Variants in ST18 observed in about 807,000 individuals in gnomAD.
The protein encoded by ST18 is suppression of tumorigenicity 18 protein.
A neutral mutation model predicts 110.0 loss-of-function variants in ST18; 50 were observed. The observed-to-expected ratio is 0.45, with a 90% CI of 0.36 to 0.58. The LOEUF is 0.58. Ranked by LOEUF, ST18 falls within the 20% of genes least tolerant of loss-of-function variation. The pLI, the probability that ST18 is intolerant of heterozygous loss-of-function variation, is 0.00. For synonymous variants in ST18, 461 were observed against 452.4 expected, an observed-to-expected ratio of 1.02 and a Z score of -0.24; for missense variants, 1,306 against 1,280.1, an observed-to-expected ratio of 1.02 and a Z score of -0.31.
chr8:52,225,457 T>C (rs1250127924), intron 3 of ST18, among the ~76,000 whole-genome samples: 1 of 152,236 alleles, frequency 6.6e-6, no homozygotes, highest in Non-Finnish European at 1.5e-5. Flanking sequence ...AATGGATTTA[T>C]AATTTGCTTT....
chr8:52,325,612 T>C (rs555838203), intron 2 of ST18, among the ~76,000 whole-genome samples: 1 of 152,346 alleles, frequency 6.6e-6, no homozygotes, highest in East Asian at 1.9e-4. Flanking sequence ...AAAAAAATGG[T>C]AAAACGAAAA....
intron 2 of ST18, among the ~76,000 whole-genome samples, chr8:52,284,839 C>G (rs1025461308): frequency 6.6e-6 from 1 of 151,864 alleles, no homozygotes; most frequent in Non-Finnish European, 1.5e-5. Flanking sequence ...TCAAATGTAG[C>G]TTTAATTATG....
Position 52,272,732 on chromosome 8 carries a change from G to A in ST18, c.-464-42655C>T, listed in dbSNP as rs142293742. Among the ~76,000 whole-genome samples, 58 of 152,290 alleles carry A rather than the reference G, an allele frequency of 3.8e-4. 2 individuals are homozygous for A. The East Asian group carries it at 0.011, about 29-fold the overall frequency. ...AATCCATCTTCTGGGTATATATCCA[G>A]AGGAATTAAAATCAGGATCTCAACA... is the stretch of plus-strand genomic sequence containing the variant. On this transcript the variant is annotated intron_variant, in intron 2 of 25. Transcript: ENST00000689386.
chr8:52,401,653 G>C (rs1220042321), intron 2 of ST18, among the ~76,000 whole-genome samples: 1 of 151,732 alleles, frequency 6.6e-6, no homozygotes, highest in Non-Finnish European at 1.5e-5. Flanking sequence ...TTTCTGTTTG[G>C]TTAGTTTTTA....
chr8:52,232,442 C>T (rs2091681623), intron 2 of ST18, among the ~76,000 whole-genome samples: 2 of 152,096 alleles, frequency 1.3e-5, no homozygotes, highest in African/African-American at 2.4e-5. Context: ...ATCATAAAAA[C>T]AAATTTAAAC....
chr8:52,283,077 G>T (rs564831196), intron 2 of ST18, among the ~76,000 whole-genome samples: 1 of 152,200 alleles, frequency 6.6e-6, no homozygotes, highest in African/African-American at 2.4e-5. Flanking sequence ...ACTGAGCCCA[G>T]GGGAAGTGTT....
intron 9 of ST18, among the ~76,000 whole-genome samples, chr8:52,178,670 A>C (rs984508664): frequency 2.9e-5 from 4 of 137,118 alleles, no homozygotes; most frequent in Admixed American, 1.4e-4. Context: ...TAAAACAAAC[A>C]AAAAAAACCC....
intron 15 of ST18, among the ~76,000 whole-genome samples, chr8:52,153,753 G>A (rs1172633789): frequency 6.6e-6 from 1 of 152,180 alleles, no homozygotes; most frequent in Non-Finnish European, 1.5e-5. Flanking sequence ...AGACAGGCAT[G>A]AGTTCAAATT....
At chr8:52,381,861 C>A (rs1482917575) in intron 2 of ST18, among the ~76,000 whole-genome samples, 1 of 151,350 alleles carries the variant, frequency 6.6e-6, no homozygotes, top group Non-Finnish European at 1.5e-5. Flanking sequence ...ACATTACAAA[C>A]AATGCACAAT....
intron 2 of ST18, among the ~76,000 whole-genome samples, chr8:52,282,540 G>T (rs1757568452): frequency 6.6e-6 from 1 of 152,268 alleles, no homozygotes; most frequent in East Asian, 1.9e-4. Context: ...TGAGGAAGCT[G>T]GGCAGGTGCC....
rs2095654789 is a variant in ST18, at chr8:52,297,607, T to C, written c.-464-67530A>G. ...AACAAAAACAATAGGTTTGACTTTA[T>C]AAGATTTGAAAAGTTAAAGGCACCT... On this transcript the variant is annotated intron_variant, in intron 2 of 25. Coordinates refer to ENST00000689386, the MANE Select transcript of ST18 (RefSeq NM_001352837.2). Among the ~76,000 whole-genome samples the C allele has an allele frequency of 2.6e-5, 4 of 152,186 alleles. No homozygotes were observed. The South Asian group carries it at 8.3e-4, about 31-fold the overall frequency.
At chr8:52,137,627 A>T in intron 17 of ST18, 144 bp from the exon 18 acceptor site, 1 of 692,052 alleles carries the variant, frequency 1.4e-6, no homozygotes, top group Admixed American at 3.1e-5. Context: ...TGTACCAAGG[A>T]TTTATATTAT....
intron 8 of ST18, among the ~76,000 whole-genome samples, chr8:52,189,151 A>G (rs929770120): frequency 6.6e-6 from 1 of 152,146 alleles, no homozygotes; most frequent in African/African-American, 2.4e-5. Context: ...AATAACCAAC[A>G]TCATCACACC....
chr8:52,253,594 T>C (rs1285649608), intron 2 of ST18, among the ~76,000 whole-genome samples: 1 of 152,172 alleles, frequency 6.6e-6, no homozygotes, highest in African/African-American at 2.4e-5. Flanking sequence ...ATAGCTACTA[T>C]CAGAATTTTG....
chr8:52,236,516 C>T (rs893014785), intron 2 of ST18, among the ~76,000 whole-genome samples: 2 of 150,370 alleles, frequency 1.3e-5, no homozygotes, highest in Admixed American at 1.3e-4. Flanking sequence ...GAGGCTGAGG[C>T]AGGAGAATCC....
At chr8:52,315,001 G>C (rs1390648830) in intron 2 of ST18, among the ~76,000 whole-genome samples, 2 of 152,180 alleles carry the variant, frequency 1.3e-5, no homozygotes, top group East Asian at 1.9e-4. Flanking sequence ...AGATGGTGTG[G>C]CTTCAAATCA....
chr8:52,143,109 A>G (rs964691937), intron 16 of ST18, 64 bp from the exon 17 acceptor site: 2 of 1,046,816 alleles, frequency 1.9e-6, no homozygotes, highest in Admixed American at 2.0e-5. Context: ...AAAGACAACT[A>G]GATTTAAAAT....
intron 2 of ST18, among the ~76,000 whole-genome samples, chr8:52,254,899 GC>G: frequency 6.6e-6 from 1 of 152,170 alleles, no homozygotes; most frequent in Non-Finnish European, 1.5e-5. Flanking sequence ...CTCCCTGTAG[GC>G]CTTGTACCCT....
At chr8:52,382,160 C>A (rs887690587) in intron 2 of ST18, among the ~76,000 whole-genome samples, 1 of 152,094 alleles carries the variant, frequency 6.6e-6, no homozygotes, top group Non-Finnish European at 1.5e-5. Context: ...GGCAGAGCCG[C>A]CTATCCATTT....
Sources: gnomAD v4.1 joint callset for allele counts (sites outside exome capture counted in the v4.1 genomes callset) on GRCh38, gnomAD v4.1.1 for gene constraint, MANE v1.5 for transcripts, NCBI Gene and HGNC (gene_info 2026-07-23, HGNC 2026-07-21) for gene names.